Variants in TMEM230 observed in about 807,000 individuals in gnomAD.
TMEM230 encodes UPF0414 transmembrane protein C20orf30.
Under a neutral mutation model 15.8 loss-of-function variants are expected in TMEM230, and 10 were observed. The ratio of observed to expected loss-of-function variants is 0.63; its 90% CI spans 0.39 to 1.07. The LOEUF is 1.07. TMEM230 is among the 50% of genes least tolerant of loss of function. The probability of loss-of-function intolerance (pLI) is 0.01; values close to 1 mark genes in which losing one functional copy is unlikely to be tolerated. For synonymous variants in TMEM230, 67 were observed against 76.9 expected, an observed-to-expected ratio of 0.87 and a Z score of 0.68; for missense variants, 165 against 193.3, an observed-to-expected ratio of 0.85 and a Z score of 0.87.
At chr20:5,075,393 T>C (rs141507058) in intron 3 of TMEM230, among the ~76,000 whole-genome samples, 2 of 151,606 alleles carry the variant, frequency 1.3e-5, no homozygotes, top group Non-Finnish European at 2.9e-5. Flanking sequence ...GGAACACAGA[T>C]AGTACTCCAG....
In TMEM230 at chr20:5,091,674, A is replaced by G. The variant is rs553538923; in HGVS notation, c.222+14514T>C. Reference sequence around the variant, plus strand: ...ATTTCAAATATGGATCTATTTCTACATAAGTATATTGCAAACTTCTGGAGG... The same window carrying G: ...ATTTCAAATATGGATCTATTTCTACGTAAGTATATTGCAAACTTCTGGAGG... On this transcript the variant is annotated intron_variant, in intron 3 of 3. Transcript: ENST00000612323. 8.3e-4 allele frequency among the ~76,000 whole-genome samples: 127 copies of G among 152,268 alleles called. 1 individual carries two copies. The highest frequency in any genetic ancestry group is 1.5e-3 in the Non-Finnish European group (104 of 68,032).
At chr20:5,059,669 G>C in the TMEM230 span, among the ~76,000 whole-genome samples, 1 of 151,280 alleles carries the variant, frequency 6.6e-6, no homozygotes, top group African/African-American at 2.4e-5. Context: ...GAGTGCAGTG[G>C]CTTGATCATG....
At chr20:5,081,879 T>C (rs144373011) in intron 3 of TMEM230, among the ~76,000 whole-genome samples, 14 of 43,498 alleles carry the variant, frequency 3.2e-4, no homozygotes, top group South Asian at 3.0e-3. Context: ...TTTTCTTTTT[T>C]TTTTTTTTTT....
At chr20:5,085,799 G>A (rs537991924) in intron 3 of TMEM230, among the ~76,000 whole-genome samples, 113 of 152,160 alleles carry the variant, frequency 7.4e-4, no homozygotes, top group Non-Finnish European at 1.2e-3. Flanking sequence ...GGTAGGGGAC[G>A]GGAGGCCAGG....
downstream of TMEM230, among the ~76,000 whole-genome samples, chr20:5,099,222 ATAAATAAATAAAT>A (rs1372835673): frequency 1.0e-4 from 11 of 106,300 alleles, no homozygotes; most frequent in South Asian, 4.3e-4. Flanking sequence ...AAATAAATAA[ATAAATAAATAAAT>A]CAATCAATCA....
At chr20:5,068,141 C>T (rs1184131943), downstream of TMEM230, 1 of 152,128 alleles carries the variant, frequency 6.6e-6, no homozygotes, top group Non-Finnish European at 1.5e-5. Flanking sequence ...ACTGCAGTTC[C>T]ACATCCAGGT....
intron 4 of TMEM230, among the ~76,000 whole-genome samples, chr20:5,101,898 T>A (rs537715600): frequency 1.4e-4 from 22 of 152,374 alleles, no homozygotes; most frequent in Non-Finnish European, 2.6e-4. Context: ...AAGAAGGAAC[T>A]GACTTACGAG....
chr20:5,103,328 G>A (rs1334206652), intron 4 of TMEM230, among the ~76,000 whole-genome samples: 1 of 152,030 alleles, frequency 6.6e-6, no homozygotes, highest in Admixed American at 6.6e-5. Flanking sequence ...GCTAGGTATG[G>A]TGACTCACAC....
At chr20:5,085,251 AT>A (rs1195408458) in intron 3 of TMEM230, among the ~76,000 whole-genome samples, 1,637 of 134,434 alleles carry the variant, frequency 0.012, 13 homozygotes, top group Middle Eastern at 0.03. Flanking sequence ...CTCCTGTTCC[AT>A]TTTTTTTTTC....
chr20:5,100,423 A>G lies in TMEM230; in HGVS notation c.*368T>C. ...ATAAATTACTTAATAATAAGAAATT[A>G]GCCATACCACATTGTTCCATTTGCT... On this transcript the variant is annotated 3_prime_UTR_variant, in exon 5 of 5. Coordinates refer to ENST00000342308, the MANE Select transcript of TMEM230 (RefSeq NM_001009923.2). 1 of 1,002,444 alleles carries G rather than the reference A, an allele frequency of 1.0e-6. No individual in the cohort carries two copies. The highest frequency in any genetic ancestry group is 1.2e-6 in the Non-Finnish European group (1 of 839,904). The allele number at this position is 1,002,444 out of a possible 1,614,324, so 62.1% of individuals were successfully genotyped here.
chr20:5,075,230 T>C (rs974782584), intron 3 of TMEM230, among the ~76,000 whole-genome samples: 1 of 151,714 alleles, frequency 6.6e-6, no homozygotes, highest in African/African-American at 2.4e-5. Flanking sequence ...CAGGCCTGGC[T>C]AATTTTGTAT....
the TMEM230 span, among the ~76,000 whole-genome samples, chr20:5,059,895 T>C: frequency 1.6e-5 from 2 of 125,966 alleles, no homozygotes; most frequent in Middle Eastern, 7.2e-3. Context: ...TTCTCCTGCG[T>C]CAGCCTCCTG....
Position 5,100,912 on chromosome 20 carries a change from G to A in TMEM230, c.431C>T (p.Pro144Leu), listed in dbSNP as rs1279111338. 6.2e-7 allele frequency: 1 copy of A among 1,614,046 alleles called. No individual in the cohort carries two copies. The highest frequency in any genetic ancestry group is 1.3e-5 in the African/African-American group (1 of 74,922). The change falls in exon 5 of 5, where the codon CCA becomes CTA. Residue 144 changes from proline (P) to leucine (L), a missense_variant. Pro to Leu is a moderately conservative substitution (Grantham distance 98). Transcript: ENST00000342308. ...CACCAGAATGCCAATGATCAGCACT[G>A]GAACGGCCCGGTCTGCCCCCTGGTG...
Position 5,088,342 on chromosome 20 carries a change from A to G in TMEM230, c.222+17846T>C, listed in dbSNP as rs962818456. On this transcript the variant is annotated intron_variant, in intron 3 of 3. Transcript: ENST00000612323. ...AAAAAAAAAAAAGGTTTCAAACACA[A>G]TTAATTCAAACCAACCTCCCTTAAA... 2.6e-5 allele frequency among the ~76,000 whole-genome samples: 4 copies of G among 152,008 alleles called. No individual in the cohort carries two copies. In the South Asian group the frequency reaches 8.3e-4, roughly 32 times the overall value.
At chr20:5,065,963 G>C (rs957710994), downstream of TMEM230, 1 of 152,464 alleles carries the variant, frequency 6.6e-6, no homozygotes, top group Non-Finnish European at 1.5e-5. Flanking sequence ...GGGTGGAGAG[G>C]GGCTGCGGTG....
At chr20:5,061,584 T>C in the TMEM230 span, among the ~76,000 whole-genome samples, 1 of 152,188 alleles carries the variant, frequency 6.6e-6, no homozygotes, top group Admixed American at 6.6e-5. Context: ...TACATGGCTC[T>C]GTCCTTGCTC....
At chr20:5,110,181 C>T (rs962432864) in intron 2 of TMEM230, among the ~76,000 whole-genome samples, 1 of 129,936 alleles carries the variant, frequency 7.7e-6, no homozygotes, top group Non-Finnish European at 1.8e-5. Flanking sequence ...CTCAGCCTCC[C>T]GAGTAGTTGG....
intron 4 of TMEM230, among the ~76,000 whole-genome samples, chr20:5,101,737 C>T (rs1249956312): frequency 6.6e-6 from 1 of 152,080 alleles, no homozygotes; most frequent in Non-Finnish European, 1.5e-5. Flanking sequence ...TGGCTGTGTT[C>T]CCTGTTGTGT....
intron 3 of TMEM230, among the ~76,000 whole-genome samples, chr20:5,089,518 T>C (rs538817060): frequency 2.6e-5 from 4 of 151,224 alleles, no homozygotes; most frequent in South Asian, 4.2e-4. Context: ...CTGATCAACA[T>C]GGCAAAACCC....
Sources: allele counts gnomAD v4.1 joint callset (sites outside exome capture counted in the v4.1 genomes callset), GRCh38; gene constraint gnomAD v4.1.1; transcripts MANE v1.5; gene names NCBI Gene and HGNC (gene_info 2026-07-23, HGNC 2026-07-21).